CDH13: variants seen among roughly 807,000 people sequenced by gnomAD.
CDH13 encodes cadherin 13.
A neutral mutation model predicts 63.8 loss-of-function variants in CDH13; 24 were observed. That is an observed-to-expected ratio of 0.38 (90% CI 0.27 to 0.53). The LOEUF (loss-of-function observed/expected upper bound fraction) is 0.53. Ranked by LOEUF, CDH13 falls within the 20% of genes least tolerant of loss-of-function variation. CDH13 has a pLI of 0.85. For missense variants in CDH13, 1,049 were observed against 903.1 expected, an observed-to-expected ratio of 1.16 and a Z score of -2.07; for synonymous variants, 503 against 355.3, an observed-to-expected ratio of 1.42 and a Z score of -4.67.
At chr16:83,035,983 A>T (rs115892106) in intron 3 of CDH13, among the ~76,000 whole-genome samples, 1 of 152,198 alleles carries the variant, frequency 6.6e-6, no homozygotes, top group African/African-American at 2.4e-5. Flanking sequence ...CAGTATGCTA[A>T]GGGAAGCTGT....
At chr16:82,632,513 G>A (rs1287233645) in intron 1 of CDH13, among the ~76,000 whole-genome samples, 5 of 152,076 alleles carry the variant, frequency 3.3e-5, no homozygotes, top group African/African-American at 1.2e-4. Flanking sequence ...GAAGTGACAC[G>A]CTGCAGCTCT....
rs74033158 is a variant in CDH13 at position 83,109,459 on chromosome 16, C to T, written c.367-15926C>T. On this transcript the variant is annotated intron_variant, in intron 3 of 13. Transcript: ENST00000567109. Reference sequence around the variant, plus strand: ...TGAGTTTTAGGTGCCTGTGGATAGTCATGTATCATTTATGGTGACAGTGCC... The same window carrying T: ...TGAGTTTTAGGTGCCTGTGGATAGTTATGTATCATTTATGGTGACAGTGCC... Among the ~76,000 whole-genome samples the T allele has an allele frequency of 8.9e-3, 1,361 of 152,282 alleles. 28 individuals are homozygous for T. Among genetic ancestry groups the T allele is most frequent in the African/African-American group, 0.032 (1,319 of 41,534 alleles).
intron 5 of CDH13, among the ~76,000 whole-genome samples, chr16:83,268,051 G>A (rs1016652725): frequency 5.9e-5 from 9 of 152,128 alleles, no homozygotes; most frequent in African/African-American, 2.2e-4. Context: ...GGAAATGGTG[G>A]ACACTGACAC....
intron 1 of CDH13, among the ~76,000 whole-genome samples, chr16:82,680,896 A>T (rs191693069): frequency 1.3e-5 from 2 of 152,186 alleles, no homozygotes; most frequent in African/African-American, 2.4e-5. Flanking sequence ...AGAGAAAAAG[A>T]CACCTTAAAC....
At chr16:83,749,223 A>T (rs1374590960) in intron 11 of CDH13, among the ~76,000 whole-genome samples, 1 of 152,174 alleles carries the variant, frequency 6.6e-6, no homozygotes, top group Non-Finnish European at 1.5e-5. Context: ...GCCCATTGTT[A>T]TACTCAACAA....
intron 7 of CDH13, among the ~76,000 whole-genome samples, chr16:83,525,307 A>G (rs1204225896): frequency 6.6e-6 from 1 of 152,260 alleles, no homozygotes; most frequent in Non-Finnish European, 1.5e-5. Flanking sequence ...CCTGTGTGTC[A>G]TGCACACTGA....
rs1684443144 is a variant in CDH13 at position 83,800,013 on chromosome 16, G to GA, written c.*4988dup. 1.3e-5 allele frequency: 2 copies of GA among 152,178 alleles called. No individual in the cohort carries two copies. The highest frequency in any genetic ancestry group is 2.4e-5 in the African/African-American group (1 of 41,434). The allele number at this position is 152,178 out of a possible 1,614,324, so 9.4% of individuals were successfully genotyped here. A position where few individuals can be genotyped will look rare whatever the true frequency, so the allele number is the denominator to read the frequency against. On this transcript the variant is annotated 3_prime_UTR_variant, in exon 14 of 14. Coordinates refer to ENST00000567109, the MANE Select transcript of CDH13 (RefSeq NM_001257.5). The stretch of plus-strand genomic sequence containing the variant: ...AGATACTCATCAAATTAAGTAAGCG[G>GA]AAAAATTTCCTCTCTCTCATACTAT...
intron 1 of CDH13, among the ~76,000 whole-genome samples, chr16:82,754,454 C>T (rs146761290): frequency 1.3e-5 from 2 of 152,258 alleles, no homozygotes; most frequent in African/African-American, 4.8e-5. Flanking sequence ...TTGGAACCTG[C>T]CTTTCTAACC....
chr16:83,617,767 T>C (rs1267815116), intron 8 of CDH13, among the ~76,000 whole-genome samples: 1 of 151,876 alleles, frequency 6.6e-6, no homozygotes, highest in East Asian at 1.9e-4. Context: ...TGCATATATC[T>C]ATTCTATTCT....
At chr16:82,698,625 A>T (rs1174499437) in intron 1 of CDH13, among the ~76,000 whole-genome samples, 2 of 152,200 alleles carry the variant, frequency 1.3e-5, no homozygotes, top group African/African-American at 4.8e-5. Flanking sequence ...GCTCAATTCT[A>T]CAGGTGATTT....
intron 5 of CDH13, among the ~76,000 whole-genome samples, chr16:83,340,305 AGT>A (rs147527566): frequency 8.0e-5 from 12 of 150,386 alleles, no homozygotes; most frequent in South Asian, 2.1e-4. Context: ...CCTACATCTG[AGT>A]GTGTGTGTGT....
chr16:82,846,172 G>A (rs1282032582), intron 1 of CDH13, among the ~76,000 whole-genome samples: 1 of 152,182 alleles, frequency 6.6e-6, no homozygotes, highest in African/African-American at 2.4e-5. Flanking sequence ...TCTGCGTGGA[G>A]CCTTTGTTCT....
intron 4 of CDH13, among the ~76,000 whole-genome samples, chr16:83,193,224 G>C (rs775736790): frequency 6.6e-6 from 1 of 151,850 alleles, no homozygotes; most frequent in Non-Finnish European, 1.5e-5. Flanking sequence ...CATCCTAGAT[G>C]CTAGCTCTTT....
At chr16:83,149,404 A>G (rs1304513427) in intron 4 of CDH13, among the ~76,000 whole-genome samples, 1 of 152,186 alleles carries the variant, frequency 6.6e-6, no homozygotes, top group Admixed American at 6.5e-5. Context: ...ATTTAATATT[A>G]TTTATTCATT....
intron 6 of CDH13, among the ~76,000 whole-genome samples, chr16:83,454,433 C>T (rs996867139): frequency 6.6e-6 from 1 of 152,206 alleles, no homozygotes; most frequent in African/African-American, 2.4e-5. Flanking sequence ...TCCCCTCTGA[C>T]TTTGCTACTT....
At chr16:82,703,603 C>G (rs1407448066) in intron 1 of CDH13, among the ~76,000 whole-genome samples, 4 of 152,164 alleles carry the variant, frequency 2.6e-5, no homozygotes, top group African/African-American at 9.7e-5. Context: ...CCTCCTGGAA[C>G]CACCTCCTAA....
intron 3 of CDH13, among the ~76,000 whole-genome samples, chr16:83,056,365 C>A (rs535197236): frequency 4.6e-5 from 7 of 151,958 alleles, no homozygotes; most frequent in African/African-American, 1.7e-4. Flanking sequence ...CAGAATAACA[C>A]TTTGTAATAG....
At chr16:82,664,264 CAGAT>C (rs1417804073) in intron 1 of CDH13, among the ~76,000 whole-genome samples, 2 of 152,244 alleles carry the variant, frequency 1.3e-5, no homozygotes, top group Non-Finnish European at 2.9e-5. Flanking sequence ...CTCTCCTCCT[CAGAT>C]GGATGGAGTA....
chr16:83,437,582 C>G (rs1416691321), intron 6 of CDH13, among the ~76,000 whole-genome samples: 2 of 152,018 alleles, frequency 1.3e-5, no homozygotes, highest in East Asian at 3.9e-4. Flanking sequence ...GAGGCTGAGG[C>G]AGGAGAATCA....
Sources: gnomAD v4.1 joint callset for allele counts (sites outside exome capture counted in the v4.1 genomes callset) on GRCh38, gnomAD v4.1.1 for gene constraint, MANE v1.5 for transcripts, NCBI Gene and HGNC (gene_info 2026-07-23, HGNC 2026-07-21) for gene names.